Variants in GALNT13 observed in about 807,000 individuals in gnomAD.
The protein encoded by GALNT13 is UDP-GalNAc:polypeptide N-acetylgalactosaminyltransferase 13.
In GALNT13, 28 loss-of-function variants were observed where a neutral mutation model predicts 64.2. That is an observed-to-expected ratio of 0.44 (90% CI 0.32 to 0.60). The LOEUF (loss-of-function observed/expected upper bound fraction) is 0.60, where lower values mean the gene tolerates loss of function less well. Ranked by LOEUF, GALNT13 falls within the 20% of genes least tolerant of loss-of-function variation. The pLI, the probability that GALNT13 is intolerant of heterozygous loss-of-function variation, is 0.05. For synonymous variants in GALNT13, 214 were observed against 224.6 expected (o/e 0.95, Z 0.42); for missense variants, 577 against 669.8 (o/e 0.86, Z 1.53).
chr2:154,265,700 A>AAAAC (rs750402903), intron 8 of GALNT13, among the ~76,000 whole-genome samples: 5 of 152,182 alleles, frequency 3.3e-5, no homozygotes, highest in Admixed American at 6.5e-5. Flanking sequence ...ACTCTGTCTC[A>AAAAC]AAACAAACAA....
At chr2:153,632,910 G>A in the GALNT13 span, among the ~76,000 whole-genome samples, 1 of 151,614 alleles carries the variant, frequency 6.6e-6, no homozygotes, top group South Asian at 2.1e-4. Context: ...ACACCAATAC[G>A]CCCAGCTAAT....
chr2:153,863,543 T>G, the GALNT13 span, among the ~76,000 whole-genome samples: 1 of 152,128 alleles, frequency 6.6e-6, no homozygotes, highest in Non-Finnish European at 1.5e-5. Flanking sequence ...AGTACAGCTT[T>G]AAAATAAAGT....
At chr2:153,927,560 C>A (rs924966309) in intron 2 of GALNT13, among the ~76,000 whole-genome samples, 1 of 151,872 alleles carries the variant, frequency 6.6e-6, no homozygotes, top group Non-Finnish European at 1.5e-5. Flanking sequence ...TCATCTTTAG[C>A]AATATTATAT....
the GALNT13 span, among the ~76,000 whole-genome samples, chr2:153,705,395 TA>T: frequency 0.022 from 3,058 of 136,746 alleles, 54 homozygotes; most frequent in African/African-American, 0.056. Flanking sequence ...GTACCACTGT[TA>T]AAAAAAAAAA....
chr2:153,772,955 C>T, the GALNT13 span, among the ~76,000 whole-genome samples: 1 of 152,166 alleles, frequency 6.6e-6, no homozygotes, highest in African/African-American at 2.4e-5. Context: ...GCAGTGAAAC[C>T]ACTGGCTGAG....
the GALNT13 span, among the ~76,000 whole-genome samples, chr2:153,069,083 C>T: frequency 6.6e-6 from 1 of 152,168 alleles, no homozygotes; most frequent in African/African-American, 2.4e-5. Flanking sequence ...CTTCTTATTG[C>T]TGTGCAAGAA....
chr2:154,309,570 A>G (rs1435413472), intron 9 of GALNT13, among the ~76,000 whole-genome samples: 1 of 152,178 alleles, frequency 6.6e-6, no homozygotes, highest in Admixed American at 6.6e-5. Context: ...ACATGAGAAG[A>G]AACAACTCAC....
intron 4 of GALNT13, among the ~76,000 whole-genome samples, chr2:154,181,418 A>C (rs1328409152): frequency 6.6e-6 from 1 of 152,162 alleles, no homozygotes; most frequent in South Asian, 2.1e-4. Context: ...TCATATTTAC[A>C]TTAACATTTT....
the GALNT13 span, among the ~76,000 whole-genome samples, chr2:153,458,365 C>G: frequency 1.3e-5 from 2 of 152,102 alleles, no homozygotes; most frequent in Non-Finnish European, 2.9e-5. Context: ...TCTTTTCATT[C>G]GAGCTTCAAA....
At chr2:154,049,215 T>C (rs1043161750) in intron 3 of GALNT13, among the ~76,000 whole-genome samples, 2 of 151,930 alleles carry the variant, frequency 1.3e-5, no homozygotes, top group Non-Finnish European at 2.9e-5. Flanking sequence ...CAATGTGGAA[T>C]AGGCTGAAAG....
At chr2:154,418,008 A>G (rs1432958418) in intron 11 of GALNT13, among the ~76,000 whole-genome samples, 2 of 152,032 alleles carry the variant, frequency 1.3e-5, no homozygotes, top group Non-Finnish European at 2.9e-5. Context: ...TTGTCATTCA[A>G]TTATGTATGT....
chr2:153,839,768 T>G, the GALNT13 span, among the ~76,000 whole-genome samples: 2 of 151,940 alleles, frequency 1.3e-5, no homozygotes, highest in Admixed American at 6.6e-5. Context: ...CAGGAAAATC[T>G]GGGCCCATGT....
chr2:153,952,813 G>A (rs773979594), intron 3 of GALNT13, among the ~76,000 whole-genome samples: 1 of 152,120 alleles, frequency 6.6e-6, no homozygotes, highest in Non-Finnish European at 1.5e-5. Context: ...TCAATCTGTG[G>A]TTGAAGTTAC....
At chr2:154,113,806 G>C (rs192383649) in intron 3 of GALNT13, among the ~76,000 whole-genome samples, 1 of 152,228 alleles carries the variant, frequency 6.6e-6, no homozygotes, top group Admixed American at 6.5e-5. Context: ...CCCTGAGGTA[G>C]GACAGTAAAG....
chr2:153,610,396 C>T, the GALNT13 span, among the ~76,000 whole-genome samples: 40 of 152,146 alleles, frequency 2.6e-4, 1 homozygote, highest in East Asian at 1.2e-3. Flanking sequence ...CAGATTGGGC[C>T]GGGCGCTGTG....
chr2:153,311,412 G>C, the GALNT13 span, among the ~76,000 whole-genome samples: 1 of 152,124 alleles, frequency 6.6e-6, no homozygotes, highest in Non-Finnish European at 1.5e-5. Flanking sequence ...GATATCTATT[G>C]GTGCATAACA....
the GALNT13 span, among the ~76,000 whole-genome samples, chr2:153,814,167 G>A: frequency 6.6e-6 from 1 of 152,304 alleles, no homozygotes; most frequent in Non-Finnish European, 1.5e-5. Flanking sequence ...TTGGCCGGGC[G>A]CGGTGGCTCA....
intron 3 of GALNT13, among the ~76,000 whole-genome samples, chr2:154,020,915 A>G (rs1183112261): frequency 1.3e-5 from 2 of 152,148 alleles, no homozygotes; most frequent in African/African-American, 4.8e-5. Context: ...AGCTTTCTAC[A>G]TATGGCTAGC....
At chr2:154,178,880 A>G (rs1330032833) in intron 4 of GALNT13, among the ~76,000 whole-genome samples, 1 of 152,128 alleles carries the variant, frequency 6.6e-6, no homozygotes, top group Non-Finnish European at 1.5e-5. Flanking sequence ...TTCTAGTCTA[A>G]CTGCTTTAGC....
Sources: gnomAD v4.1 joint callset for allele counts (sites outside exome capture counted in the v4.1 genomes callset) on GRCh38, gnomAD v4.1.1 for gene constraint, MANE v1.5 for transcripts, NCBI Gene and HGNC (gene_info 2026-07-23, HGNC 2026-07-21) for gene names.